GLB1L3: variants seen among roughly 807,000 people sequenced by gnomAD.
The protein encoded by GLB1L3 is galactosidase beta 1 like 3.
Under a neutral mutation model 89.5 loss-of-function variants are expected in GLB1L3, and 89 were observed. That is an observed-to-expected ratio of 0.99 (90% CI 0.84 to 1.19). The LOEUF is 1.19. Among genes scored for constraint, GLB1L3 ranks in the 50% most tolerant of loss-of-function variants. The pLI, the probability that GLB1L3 is intolerant of heterozygous loss-of-function variation, is 0.00. For missense variants in GLB1L3, 812 were observed against 813.3 expected, an observed-to-expected ratio of 1.00 and a Z score of 0.02; for synonymous variants, 314 against 312.3, an observed-to-expected ratio of 1.01 and a Z score of -0.06.
Position 134,314,363 on chromosome 11 carries a change from C to G in GLB1L3, c.1701C>G (p.Asp567Glu). 1 of 1,551,240 alleles carries G rather than the reference C, an allele frequency of 6.4e-7. No individual in the cohort carries two copies. The highest frequency in any genetic ancestry group is 1.2e-5 in the South Asian group (1 of 83,960). Residue 567 changes from aspartate to glutamate, a missense_variant, in exon 18 of 20, where the codon GAC becomes GAG. Around this residue, in one of 3 missense-constraint regions of GLB1L3, gnomAD observed 618 missense variants for 604.0 expected, o/e 1.02. Transcript: ENST00000431683. ...CTGCCACCTGGAAGCCTGTCCCAGA[C>G]AGCCACCAGGGCCCGGCCTTCTACT... ...LRSATWKPVP[D>E]SHQGPAFYCG... is the part of the protein sequence containing the mutation.
At chr11:134,287,142 C>G (rs1040355792) in intron 6 of GLB1L3, 2 of 152,220 alleles carry the variant, frequency 1.3e-5, no homozygotes, top group Non-Finnish European at 2.9e-5. Context: ...GCCTGGGCGC[C>G]AGAGTGAGAC....
At chr11:134,287,744 C>G (rs1210555020) in intron 6 of GLB1L3, among the ~76,000 whole-genome samples, 2 of 152,254 alleles carry the variant, frequency 1.3e-5, no homozygotes, top group Admixed American at 1.3e-4. Context: ...AGGCGTGGCG[C>G]TGCCCTGTGG....
downstream of GLB1L3, among the ~76,000 whole-genome samples, chr11:134,321,926 AAAG>A (rs1004220256): frequency 1.3e-5 from 2 of 152,040 alleles, no homozygotes; most frequent in African/African-American, 4.8e-5. Context: ...AATAAAAAAA[AAAG>A]TACAAGTAGA....
At chr11:134,308,627 A>G (rs540633458) in intron 10 of GLB1L3, among the ~76,000 whole-genome samples, 9 of 149,148 alleles carry the variant, frequency 6.0e-5, no homozygotes, top group Non-Finnish European at 1.0e-4. Flanking sequence ...TATCACCACC[A>G]TCACCATCAA....
chr11:134,303,978 A>G (rs1471936537), intron 9 of GLB1L3, among the ~76,000 whole-genome samples: 2 of 151,906 alleles, frequency 1.3e-5, no homozygotes, highest in East Asian at 3.9e-4. Flanking sequence ...TTTCTCCTTT[A>G]TTACTAAGAA....
At chr11:134,276,306 A>G (rs191043944), upstream of GLB1L3, 25 of 163,722 alleles carry the variant, frequency 1.5e-4, no homozygotes, top group Non-Finnish European at 2.9e-4. Flanking sequence ...CGCCGTTTCC[A>G]GTCGCGCGCG....
rs1370229163 is a variant in GLB1L3, at chr11:134,277,838, T to C, written c.288T>C (p.Tyr96=). The stretch of plus-strand genomic sequence containing the variant: ...TGATCTTCGGGGGCTCCATCCACTA[T>C]TTCCGGGTGCCCAGGGAGTACTGGA... ...KFLIFGGSIH[Y]FRVPREYWRD... is the part of the protein sequence containing the mutation. The change falls in exon 3 of 20, where the codon TAT becomes TAC. Residue 96 remains tyrosine (Y), a synonymous_variant. Coordinates refer to ENST00000431683, the MANE Select transcript of GLB1L3 (RefSeq NM_001080407.3). 1 of 1,614,018 alleles carries C rather than the reference T, an allele frequency of 6.2e-7. No homozygotes were observed. Among genetic ancestry groups the C allele is most frequent in the Non-Finnish European group, 8.5e-7 (1 of 1,180,008 alleles).
intron 18 of GLB1L3, 128 bp downstream of exon 18, chr11:134,314,569 A>G (rs1591594455): frequency 1.3e-5 from 9 of 691,896 alleles, no homozygotes; most frequent in East Asian, 5.4e-5. Context: ...CTCATCTCCA[A>G]CCAAGCCTTC....
At position 134,311,109 on chromosome 11, in the gene GLB1L3, A is replaced by ACTTCC. The variant is rs1942710286; in HGVS notation, c.1226_1227insCTTCC (p.Pro410PhefsTer5). The ACTTCC allele has an allele frequency of 6.2e-7, 1 of 1,613,704 alleles. No homozygotes were observed. The highest frequency in any genetic ancestry group is 8.5e-7 in the Non-Finnish European group (1 of 1,179,850). On this transcript the variant is annotated frameshift_variant, in exon 13 of 20. Transcript: ENST00000431683. LOFTEE classifies it high-confidence loss of function. ...CCCAAACTTCCTCCCAAGGCTGTGT[A>ACTTCC]TCCCCCCGTGAGACCGTCGCTGTAC...
chr11:134,301,300 T>A (rs1941938666), intron 9 of GLB1L3, among the ~76,000 whole-genome samples: 1 of 152,172 alleles, frequency 6.6e-6, no homozygotes, highest in Non-Finnish European at 1.5e-5. Flanking sequence ...GGATTTATGT[T>A]TTTCCCACTG....
chr11:134,278,645 G>A (rs1940517182), intron 3 of GLB1L3, among the ~76,000 whole-genome samples: 1 of 152,114 alleles, frequency 6.6e-6, no homozygotes, highest in Admixed American at 6.5e-5. Context: ...TCCTCCTGAG[G>A]GCCTGCCACC....
intron 5 of GLB1L3, among the ~76,000 whole-genome samples, chr11:134,282,601 A>G (rs1940763433): frequency 6.6e-6 from 1 of 152,152 alleles, no homozygotes; most frequent in Non-Finnish European, 1.5e-5. Context: ...CTTTCCATGC[A>G]GTGAGACCAC....
intron 9 of GLB1L3, among the ~76,000 whole-genome samples, chr11:134,296,969 AC>A (rs1289123355): frequency 6.6e-6 from 1 of 152,060 alleles, no homozygotes. Flanking sequence ...CACTATCCTT[AC>A]TGATTTTCTG....
At chr11:134,300,890 C>G (rs1238904704) in intron 9 of GLB1L3, among the ~76,000 whole-genome samples, 1 of 152,206 alleles carries the variant, frequency 6.6e-6, no homozygotes, top group Non-Finnish European at 1.5e-5. Flanking sequence ...TTCTGCAGTA[C>G]TGAGGGTTAG....
At chr11:134,288,231 G>C (rs1031931352) in intron 6 of GLB1L3, among the ~76,000 whole-genome samples, 1 of 152,264 alleles carries the variant, frequency 6.6e-6, no homozygotes, top group South Asian at 2.1e-4. Flanking sequence ...GTAGATGACC[G>C]GTAGCTCTTC....
downstream of GLB1L3, among the ~76,000 whole-genome samples, chr11:134,320,880 A>C (rs1389836244): frequency 6.6e-6 from 1 of 152,194 alleles, no homozygotes; most frequent in Non-Finnish European, 1.5e-5. Flanking sequence ...AAGTGTCTTC[A>C]GTGACTAGTT....
chr11:134,277,359 C>G lies in GLB1L3; in HGVS notation c.57C>G (p.Ile19Met). 1.9e-6 allele frequency: 3 copies of G among 1,613,916 alleles called. No individual in the cohort carries two copies. Among genetic ancestry groups the G allele is most frequent in the Non-Finnish European group, 2.5e-6 (3 of 1,179,866 alleles). The change falls in exon 2 of 20, where the codon ATC becomes ATG. Residue 19 changes from isoleucine to methionine, a missense_variant. By Grantham distance (10) the Ile-to-Met change is conservative. Around this residue, in one of 3 missense-constraint regions of GLB1L3, gnomAD observed 191 missense variants for 191.4 expected, o/e 1.00. Transcript: ENST00000431683. ...TCTCCTGGAAGAGAATGGCGGGCAT[C>G]TTTTTCCTGCCATTTATCTCATCAG... Reference protein sequence around the residue: ...PCLSWKRMAGIFFLPFISSGF... With the variant: ...PCLSWKRMAGMFFLPFISSGF...
chr11:134,313,419 G>A lies in GLB1L3; in HGVS notation c.1524G>A (p.Leu508=). 6.3e-7 allele frequency: 1 copy of A among 1,584,754 alleles called. No individual in the cohort carries two copies. Among genetic ancestry groups the A allele is most frequent in the Non-Finnish European group, 8.6e-7 (1 of 1,165,304 alleles). ...AGGACTGCCGATACCTGAGGATCCT[G>A]GTGGAGAATCAAGGACGAGTCAATT... ...ELRDCRYLRI[L]VENQGRVNFS... is the part of the protein sequence containing the mutation. Residue 508 remains leucine (L), a synonymous_variant, in exon 16 of 20, where the codon CTG becomes CTA. Coordinates refer to ENST00000431683, the MANE Select transcript of GLB1L3 (RefSeq NM_001080407.3).
At chr11:134,283,889 G>A (rs748957232) in intron 6 of GLB1L3, 44 bp downstream of exon 6, 1 of 1,153,566 alleles carries the variant, frequency 8.7e-7, no homozygotes. Flanking sequence ...GTGCCCTTTA[G>A]GGAAAGAGTT....
Sources: allele counts gnomAD v4.1 joint callset (sites outside exome capture counted in the v4.1 genomes callset), GRCh38; gene constraint gnomAD v4.1.1; regional missense constraint gnomAD v4.1.1; transcripts MANE v1.5; gene names NCBI Gene and HGNC (gene_info 2026-07-23, HGNC 2026-07-21).